ZNF433: variants seen among roughly 807,000 people sequenced by gnomAD.
The protein encoded by ZNF433 is zinc finger protein 433.
Under a neutral mutation model 10.6 loss-of-function variants are expected in ZNF433, and 12 were observed. The observed-to-expected ratio is 1.13, with a 90% CI of 0.72 to 1.83. The LOEUF (loss-of-function observed/expected upper bound fraction) is 1.83. Ranked by LOEUF, ZNF433 falls within the 40% of genes most tolerant of loss-of-function variation. ZNF433 has a pLI of 0.00. For synonymous variants in ZNF433, 272 were observed against 271.3 expected, an observed-to-expected ratio of 1.00 and a Z score of -0.02; for missense variants, 737 against 798.0, an observed-to-expected ratio of 0.92 and a Z score of 0.92.
intron 1 of ZNF433, 115 bp from the exon 2 acceptor site, chr19:12,018,407 G>T: frequency 8.2e-7 from 1 of 1,219,174 alleles, no homozygotes; most frequent in South Asian, 2.0e-5. Context: ...ATTATTCCAT[G>T]ACCATCAGAC....
chr19:12,032,753 G>A (rs976033848), intron 1 of ZNF433, among the ~76,000 whole-genome samples: 2 of 151,974 alleles, frequency 1.3e-5, no homozygotes, highest in Non-Finnish European at 2.9e-5. Flanking sequence ...CAAAGTGCTG[G>A]GATTACAGGT....
intron 1 of ZNF433, among the ~76,000 whole-genome samples, chr19:12,034,242 T>C (rs1464276216): frequency 6.6e-6 from 1 of 152,208 alleles, no homozygotes; most frequent in Non-Finnish European, 1.5e-5. Context: ...CCTCTGATTA[T>C]ACAACCAAAA....
intron 3 of ZNF433, among the ~76,000 whole-genome samples, chr19:12,017,155 CAAA>C (rs1410602292): frequency 1.3e-5 from 2 of 151,988 alleles, no homozygotes; most frequent in Admixed American, 1.3e-4. Context: ...TATCTATTAT[CAAA>C]AAAGATGATA....
intron 1 of ZNF433, among the ~76,000 whole-genome samples, chr19:12,034,403 C>T (rs1457130577): frequency 6.6e-6 from 1 of 152,182 alleles, no homozygotes; most frequent in Admixed American, 6.6e-5. Flanking sequence ...CACTTGACTA[C>T]AGATTAACCA....
rs1974217207 is a variant in ZNF433 at position 12,016,631 on chromosome 19, C to T, written c.227G>A (p.Gly76Asp). ...VGERLFESKE[G>D]HQHGEILTQV... ...GGTCAAAATTTCTCCATGCTGATGACCTTCTTTACTTTCAAAGAGTCTCTC... is the reference window on the plus strand; with the variant it reads ...GGTCAAAATTTCTCCATGCTGATGATCTTCTTTACTTTCAAAGAGTCTCTC... The change falls in exon 4 of 4, where the codon GGT becomes GAT. Residue 76 changes from glycine (G) to aspartate (D), a missense_variant. Gly to Asp is a moderately conservative substitution (Grantham distance 94). Transcript: ENST00000550507. 2 of 1,613,982 alleles carry T rather than the reference C, an allele frequency of 1.2e-6. No individual in the cohort carries two copies. Among genetic ancestry groups the T allele is most frequent in the Admixed American group, 1.7e-5 (1 of 59,996 alleles).
In ZNF433 at chr19:12,015,175, A is replaced by C. The variant is rs747387111; in HGVS notation, c.1683T>G (p.Cys561Trp). Residue 561 changes from cysteine (C) to tryptophan (W), a missense_variant, in exon 4 of 4, where the codon TGT (cysteine) becomes TGG (tryptophan). By Grantham distance (215) the Cys-to-Trp change is radical (BLOSUM62 -2). Coordinates refer to ENST00000550507, the MANE Select transcript of ZNF433 (RefSeq NM_001308348.2). ...ATCCAAAGGCTTTCCCACACTGCTT[A>C]CATTCATAAGGTTTCTCTCCAGTGT... ...RTHTGEKPYE[C>W]KQCGKAFGSA... 1.2e-6 allele frequency: 2 copies of C among 1,612,904 alleles called. No individual in the cohort carries two copies. The highest frequency in any genetic ancestry group is 3.3e-5 in the Admixed American group (2 of 59,916).
intron 1 of ZNF433, chr19:12,030,163 T>C (rs934881971): frequency 6.7e-6 from 3 of 448,558 alleles, no homozygotes; most frequent in African/African-American, 4.1e-5. Context: ...TGTCAGCACC[T>C]TGAACATGGA....
Position 12,015,048 on chromosome 19 carries a change from T to C in ZNF433, c.1810A>G (p.Met604Val), listed in dbSNP as rs772476131. The C allele has an allele frequency of 5.0e-6, 8 of 1,613,624 alleles. No individual in the cohort carries two copies. In the South Asian group the frequency reaches 8.8e-5, roughly 18 times the overall value. ...TCTCCAGTGTGAGTCCTTCCATGCA[T>C]TTGAAGTCGCGAGGCACATCCAAAA... ...KSFGCASRLQ[M>V]HGRTHTGEKP... is the part of the protein sequence containing the mutation. Residue 604 changes from methionine to valine, a missense_variant, in exon 4 of 4, where the codon ATG (methionine) becomes GTG (valine). Transcript: ENST00000550507.
intron 1 of ZNF433, chr19:12,025,383 C>T (rs2145449542): frequency 6.6e-6 from 1 of 152,350 alleles, no homozygotes. Flanking sequence ...GGCTCATACA[C>T]CTCTTCCAGG....
intron 1 of ZNF433, 21 bp from the exon 2 acceptor site, chr19:12,018,313 AGAG>A: frequency 6.2e-7 from 1 of 1,605,436 alleles, no homozygotes; most frequent in Non-Finnish European, 8.5e-7. Flanking sequence ...TCACATGTAT[AGAG>A]GAGGATGGAT....
rs774797058 is a variant in ZNF433, at chr19:12,014,815, C to A, written c.*30G>T. On this transcript the variant is annotated 3_prime_UTR_variant, in exon 4 of 4. Coordinates refer to ENST00000550507, the MANE Select transcript of ZNF433 (RefSeq NM_001308348.2). ...TCTTGAACTCCTGGGCTTAAGCAGT[C>A]CCCCCACCTCAGCCTCCTAAAGCCT... 8 of 1,487,898 alleles carry A rather than the reference C, an allele frequency of 5.4e-6. No individual in the cohort carries two copies. The highest frequency in any genetic ancestry group is 2.4e-5 in the East Asian group (1 of 41,466). The allele number at this position is 1,487,898 out of a possible 1,614,324, so 92.2% of individuals were successfully genotyped here.
intron 1 of ZNF433, among the ~76,000 whole-genome samples, chr19:12,031,254 C>T (rs1443795569): frequency 6.8e-6 from 1 of 147,158 alleles, no homozygotes; most frequent in African/African-American, 2.6e-5. Context: ...AGAGATTGCG[C>T]CACTGCACTC....
At chr19:12,026,895 T>G (rs1318012171) in intron 1 of ZNF433, 1 of 453,894 alleles carries the variant, frequency 2.2e-6, no homozygotes, top group Non-Finnish European at 4.4e-6. Context: ...ATGGCAAGAG[T>G]TCCTATTATC....
chr19:12,025,527 G>A (rs1270655769), intron 1 of ZNF433: 1 of 152,246 alleles, frequency 6.6e-6, no homozygotes, highest in Non-Finnish European at 1.5e-5. Context: ...CTGGAAAGAA[G>A]CTAAAGCTAT....
At chr19:12,032,626 G>C (rs1975090578) in intron 1 of ZNF433, among the ~76,000 whole-genome samples, 3 of 151,900 alleles carry the variant, frequency 2.0e-5, no homozygotes, top group African/African-American at 7.3e-5. Context: ...TGGGATTATA[G>C]GCATGCACCA....
At position 12,017,874 on chromosome 19, in the gene ZNF433, A is replaced by T; in HGVS notation, c.191+2T>A. ...CGTCTTTGTCATGTGAGTGCAAGTT[A>T]CCTTAGGTTTCTCCTTAGATTTTCG... On this transcript the variant is annotated splice_donor_variant, in intron 3 of 3. Coordinates refer to ENST00000550507, the MANE Select transcript of ZNF433 (RefSeq NM_001308348.2). LOFTEE classifies it high-confidence loss of function. 1 of 1,575,218 alleles carries T rather than the reference A, an allele frequency of 6.3e-7. No individual in the cohort carries two copies. Among genetic ancestry groups the T allele is most frequent in the African/African-American group, 1.4e-5 (1 of 72,326 alleles).
In ZNF433 at chr19:12,015,853, A is replaced by G. The variant is rs1487457039; in HGVS notation, c.1005T>C (p.Tyr335=). 5.0e-6 allele frequency: 8 copies of G among 1,613,964 alleles called. No individual in the cohort carries two copies. The highest frequency in any genetic ancestry group is 5.9e-6 in the Non-Finnish European group (7 of 1,180,006). The stretch of plus-strand genomic sequence containing the variant: ...ATACTTTCCCACAATGTTTACATTC[A>G]TAGGGTTTTTTCCTAGAGTGGGTTC... ...HERTHSRKKP[Y]ECKHCGKVLS... Residue 335 remains tyrosine (Y), a synonymous_variant, in exon 4 of 4, where the codon TAT becomes TAC. Coordinates refer to ENST00000550507, the MANE Select transcript of ZNF433 (RefSeq NM_001308348.2).
chr19:12,024,443 C>T (rs1228559529), intron 1 of ZNF433: 2 of 152,220 alleles, frequency 1.3e-5, no homozygotes, highest in Non-Finnish European at 2.9e-5. Context: ...GTTAAACAGT[C>T]CAACAATTTG....
intron 1 of ZNF433, chr19:12,026,575 C>T: frequency 2.5e-6 from 1 of 401,324 alleles, no homozygotes; most frequent in Non-Finnish European, 5.0e-6. Flanking sequence ...CACTCTATGA[C>T]ACAGTTACAC....
Sources: allele counts gnomAD v4.1 joint callset (sites outside exome capture counted in the v4.1 genomes callset), GRCh38; gene constraint gnomAD v4.1.1; transcripts MANE v1.5; gene names NCBI Gene and HGNC (gene_info 2026-07-23, HGNC 2026-07-21).